Variants in WLS observed in about 807,000 individuals in gnomAD.
The protein encoded by WLS is protein wntless homolog.
A neutral mutation model predicts 62.8 loss-of-function variants in WLS; 23 were observed. That is an observed-to-expected ratio of 0.37 (90% CI 0.26 to 0.52). The LOEUF is 0.52. WLS is among the 20% of genes least tolerant of loss of function. WLS has a pLI of 0.92. For synonymous variants in WLS, 246 were observed against 244.1 expected (o/e 1.01, Z -0.07); for missense variants, 615 against 697.3 (o/e 0.88, Z 1.33).
chr1:68,098,890 G>T, intron 11 of WLS: 3 of 1,327,276 alleles, frequency 2.3e-6, no homozygotes, highest in Non-Finnish European at 3.0e-6. Context: ...TTTGAAATTT[G>T]TTTAGGACTG....
At chr1:68,117,707 G>A (rs548407835) in intron 11 of WLS, 67 of 152,456 alleles carry the variant, frequency 4.4e-4, no homozygotes, top group African/African-American at 1.5e-3. Context: ...CTTTGTCACA[G>A]ACAGGACCCT....
chr1:68,222,545 T>C (rs909549077), intron 1 of WLS, among the ~76,000 whole-genome samples: 1 of 152,100 alleles, frequency 6.6e-6, no homozygotes, highest in Non-Finnish European at 1.5e-5. Context: ...TAGACAGAAA[T>C]CAGATGATCT....
intron 11 of WLS, among the ~76,000 whole-genome samples, chr1:68,129,910 T>A (rs10789257): frequency 0.25 from 38,659 of 152,156 alleles, 5,106 homozygotes; most frequent in East Asian, 0.39. Flanking sequence ...TTGCAGTAAA[T>A]TTCTCTCCCT....
At chr1:68,110,651 ATCTCTGTCTCTCTCTCTCTCTC>A (rs1295823487) in intron 11 of WLS, among the ~76,000 whole-genome samples, 14 of 126,152 alleles carry the variant, frequency 1.1e-4, no homozygotes, top group East Asian at 2.4e-4. Flanking sequence ...GCCCCCAAAA[ATCTCTGTCTCTCTCTCTCTCTC>A]TCTCTCTCTC....
intron 1 of WLS, among the ~76,000 whole-genome samples, chr1:68,205,778 AT>A (rs1318613580): frequency 6.6e-6 from 1 of 152,218 alleles, no homozygotes; most frequent in Non-Finnish European, 1.5e-5. Context: ...TACTTCTGAG[AT>A]CAAAACTACA....
At chr1:68,202,328 T>C (rs1248485055) in intron 1 of WLS, 2 of 152,224 alleles carry the variant, frequency 1.3e-5, no homozygotes, top group African/African-American at 4.8e-5. Context: ...GCTCATAAAA[T>C]CTGCCAATCA....
chr1:68,209,199 AG>A (rs1412325029), intron 1 of WLS, among the ~76,000 whole-genome samples: 1 of 152,076 alleles, frequency 6.6e-6, no homozygotes, highest in Non-Finnish European at 1.5e-5. Context: ...TTCCCTGGGG[AG>A]CAAAACTGCT....
intron 2 of WLS, chr1:68,162,495 G>A (rs1168519862): frequency 6.2e-7 from 1 of 1,613,714 alleles, no homozygotes; most frequent in Non-Finnish European, 8.5e-7. Flanking sequence ...CAAAGGCCTT[G>A]GCTCGAACTG....
intron 11 of WLS, among the ~76,000 whole-genome samples, chr1:68,109,411 A>G (rs1183056713): frequency 6.6e-6 from 1 of 152,260 alleles, no homozygotes. Flanking sequence ...ACTATAAGCA[A>G]GAGGTAGAAG....
At chr1:68,119,020 T>G (rs917597063) in intron 11 of WLS, among the ~76,000 whole-genome samples, 3 of 152,072 alleles carry the variant, frequency 2.0e-5, no homozygotes, top group Non-Finnish European at 4.4e-5. Context: ...CAAAAAAGAT[T>G]TATATCCAAG....
intron 10 of WLS, 45 bp from the exon 11 acceptor site, chr1:68,137,978 C>T: frequency 6.2e-7 from 1 of 1,607,704 alleles, no homozygotes; most frequent in Non-Finnish European, 8.5e-7. Flanking sequence ...AGAGAAGAAA[C>T]AGAAGAAACA....
intron 1 of WLS, among the ~76,000 whole-genome samples, chr1:68,205,873 C>T (rs1337965176): frequency 6.6e-6 from 1 of 152,154 alleles, no homozygotes. Flanking sequence ...TGATTTTTTT[C>T]TCTCTGCCCC....
At chr1:68,142,318 C>T (rs1238452999) in intron 10 of WLS, among the ~76,000 whole-genome samples, 1 of 152,190 alleles carries the variant, frequency 6.6e-6, no homozygotes, top group Non-Finnish European at 1.5e-5. Flanking sequence ...TTCTGCTTTC[C>T]TAAAAACATA....
intron 10 of WLS, 122 bp from the exon 11 acceptor site, chr1:68,138,055 G>T (rs1646636364): frequency 1.8e-6 from 2 of 1,101,130 alleles, no homozygotes; most frequent in Non-Finnish European, 1.3e-6. Context: ...AACATGAAGG[G>T]CCATGTAAGA....
chr1:68,114,426 T>C (rs1302571477), intron 11 of WLS, among the ~76,000 whole-genome samples: 1 of 150,550 alleles, frequency 6.6e-6, no homozygotes, highest in Non-Finnish European at 1.5e-5. Flanking sequence ...GAATCTATAA[T>C]GATGATGATG....
At chr1:68,193,444 G>GAAAAAAAAAAAAAAAAAAAAAAAA (rs111934768) in intron 2 of WLS, among the ~76,000 whole-genome samples, 1 of 35,642 alleles carries the variant, frequency 2.8e-5, no homozygotes, top group African/African-American at 7.6e-5. Flanking sequence ...AAAAAAAAAC[G>GAAAAAAAAAAAAAAAAAAAAAAAA]AAAAAAAAAC....
At chr1:68,186,684 T>C (rs148678614) in intron 2 of WLS, 98 of 455,728 alleles carry the variant, frequency 2.2e-4, no homozygotes, top group Non-Finnish European at 4.0e-4. Context: ...TGATAAACAA[T>C]ATAAAAAGTA....
At chr1:68,225,683 C>G (rs1382928311) in intron 1 of WLS, among the ~76,000 whole-genome samples, 2 of 152,142 alleles carry the variant, frequency 1.3e-5, no homozygotes, top group Admixed American at 1.3e-4. Context: ...GGTGTGCATA[C>G]AAACAAAACT....
At chr1:68,112,066 A>G (rs1028134746) in intron 11 of WLS, among the ~76,000 whole-genome samples, 4 of 152,232 alleles carry the variant, frequency 2.6e-5, no homozygotes, top group African/African-American at 7.2e-5. Flanking sequence ...TGCCTTGGCC[A>G]CAAGGAGAAA....
Sources: gnomAD v4.1 joint callset for allele counts (sites outside exome capture counted in the v4.1 genomes callset) on GRCh38, gnomAD v4.1.1 for gene constraint, MANE v1.5 for transcripts, NCBI Gene and HGNC (gene_info 2026-07-23, HGNC 2026-07-21) for gene names.